Variants in GGA2 observed in about 807,000 individuals in gnomAD.
GGA2 encodes the protein ADP-ribosylation factor-binding protein GGA2.
A neutral mutation model predicts 79.5 loss-of-function variants in GGA2; 48 were observed. That is an observed-to-expected ratio of 0.60 (90% CI 0.48 to 0.77). GGA2 has a LOEUF of 0.77. Ranked by LOEUF, GGA2 falls within the 30% of genes least tolerant of loss-of-function variation. GGA2 has a pLI of 0.00. For missense variants in GGA2, 770 were observed against 774.0 expected (o/e 0.99, Z 0.06); for synonymous variants, 317 against 302.0 (o/e 1.05, Z -0.51).
chr16:23,486,814 T>C lies in GGA2; in HGVS notation c.580-24A>G, dbSNP rs367601426. 4.9e-6 allele frequency: 7 copies of C among 1,437,280 alleles called. No homozygotes were observed. In the East Asian group the frequency reaches 6.8e-5, roughly 14 times the overall value. The allele number at this position is 1,437,280 out of a possible 1,614,324, so 89.0% of individuals were successfully genotyped here. A position where few individuals can be genotyped will look rare whatever the true frequency, so the allele number is the denominator to read the frequency against. ...AGCTGCAGAGAGTGAACAGGAAGAG[T>C]AGGTGAGACCACAACTCCCTCAGGC... is the stretch of plus-strand genomic sequence containing the variant. On this transcript the variant is annotated intron_variant, in intron 6 of 16. Transcript: ENST00000309859.
At chr16:23,481,023 G>A (rs1964641250) in intron 9 of GGA2, among the ~76,000 whole-genome samples, 1 of 152,220 alleles carries the variant, frequency 6.6e-6, no homozygotes, top group Non-Finnish European at 1.5e-5. Context: ...CAGAGTAATG[G>A]CCAGCAGTAA....
At chr16:23,489,860 AGAGAAAAAACAGGG>A (rs1012735802) in intron 5 of GGA2, among the ~76,000 whole-genome samples, 9 of 152,156 alleles carry the variant, frequency 5.9e-5, no homozygotes, top group African/African-American at 1.2e-4. Flanking sequence ...CACTGCAGCT[AGAGAAAAAACAGGG>A]GAGAAAAAAC....
intron 5 of GGA2, among the ~76,000 whole-genome samples, chr16:23,490,002 G>C (rs1964763056): frequency 6.6e-6 from 1 of 152,204 alleles, no homozygotes; most frequent in Admixed American, 6.5e-5. Context: ...TGCAGTGCCT[G>C]CCTAAGAACC....
chr16:23,520,763 T>C (rs758538334), intron 1 of GGA2, among the ~76,000 whole-genome samples: 1 of 151,498 alleles, frequency 6.6e-6, no homozygotes, highest in Non-Finnish European at 1.5e-5. Flanking sequence ...CTTGAGGAAG[T>C]AGCAACAGCT....
rs578210980 is a variant in GGA2, at chr16:23,504,644, G to A, written c.91+5677C>T. Among the ~76,000 whole-genome samples the A allele has an allele frequency of 3.3e-5, 5 of 152,306 alleles. No individual in the cohort carries two copies. In the East Asian group the frequency reaches 7.7e-4, roughly 23 times the overall value. On this transcript the variant is annotated intron_variant, in intron 1 of 16. Transcript: ENST00000309859. ...TGGGTCTGACCAGGCCACAGCAACC[G>A]CCGTAGGTCTGTTTGACACCAATCT...
At chr16:23,503,718 C>T (rs138770670) in intron 1 of GGA2, among the ~76,000 whole-genome samples, 3 of 152,110 alleles carry the variant, frequency 2.0e-5, no homozygotes, top group Non-Finnish European at 1.5e-5. Flanking sequence ...AAAAGGAAAA[C>T]GGATTTTCCT....
rs182100228 is a variant in GGA2, at chr16:23,499,176, G to C, written c.92-3398C>G. ...TTTTTTTTTTTTGATATGGAGTCTC[G>C]CTCTGTCACCCGGGCTGGTGTGCAG... On this transcript the variant is annotated intron_variant, in intron 1 of 16. Coordinates refer to ENST00000309859, the MANE Select transcript of GGA2 (RefSeq NM_015044.4). Among the ~76,000 whole-genome samples the C allele has an allele frequency of 3.5e-3, 491 of 139,294 alleles. 2 individuals carry two copies. The highest frequency in any genetic ancestry group is 5.8e-3 in the Non-Finnish European group (385 of 66,024). 91.4% of individuals were successfully genotyped at this position (139,294 alleles called of 152,430 possible).
intron 5 of GGA2, among the ~76,000 whole-genome samples, chr16:23,490,554 G>A (rs1247106363): frequency 6.6e-6 from 1 of 152,002 alleles, no homozygotes; most frequent in Non-Finnish European, 1.5e-5. Flanking sequence ...GAGCAATGTG[G>A]TGAAACCCCA....
intron 14 of GGA2, among the ~76,000 whole-genome samples, chr16:23,474,589 C>T (rs1964553368): frequency 6.6e-6 from 1 of 151,972 alleles, no homozygotes; most frequent in South Asian, 2.1e-4. Flanking sequence ...AACTCCTGGC[C>T]TCAAGTGATC....
At chr16:23,501,105 C>G in intron 1 of GGA2, 2 of 387,052 alleles carry the variant, frequency 5.2e-6, no homozygotes, top group Admixed American at 6.6e-5. Flanking sequence ...AATACACCCA[C>G]TTTCACAAGA....
In GGA2 at chr16:23,499,145, C is replaced by CTT. The variant is rs34195789; in HGVS notation, c.92-3369_92-3368dup. On this transcript the variant is annotated intron_variant, in intron 1 of 16. Coordinates refer to ENST00000309859, the MANE Select transcript of GGA2 (RefSeq NM_015044.4). The stretch of plus-strand genomic sequence containing the variant: ...GAGACACAGCACTGACGGGCACCAC[C>CTT]TTTTTTTTTTTTTTTTTGATATGGA... Among the ~76,000 whole-genome samples the CTT allele has an allele frequency of 8.0e-3, 1,076 of 134,602 alleles. 19 individuals carry two copies. Among genetic ancestry groups the CTT allele is most frequent in the Middle Eastern group, 0.027 (7 of 256 alleles). The allele number at this position is 134,602 out of a possible 152,430, so 88.3% of individuals were successfully genotyped here.
intron 6 of GGA2, among the ~76,000 whole-genome samples, chr16:23,487,385 T>C (rs1455074916): frequency 6.6e-6 from 1 of 152,136 alleles, no homozygotes; most frequent in Non-Finnish European, 1.5e-5. Context: ...GAGGGGGTGC[T>C]ACTGGCAGCT....
chr16:23,505,775 G>A (rs1207242734), intron 1 of GGA2, among the ~76,000 whole-genome samples: 2 of 151,462 alleles, frequency 1.3e-5, no homozygotes, highest in African/African-American at 2.4e-5. Context: ...GCCAACAGGC[G>A]GAAGAACAAT....
At chr16:23,491,865 A>G in intron 4 of GGA2, 65 bp from the exon 5 acceptor site, 2 of 1,157,644 alleles carry the variant, frequency 1.7e-6, no homozygotes, top group Non-Finnish European at 2.6e-6. Context: ...CACTTTAACT[A>G]AAGAGGTAGC....
At position 23,474,948 on chromosome 16, in the gene GGA2, G is replaced by A. The variant is rs372255357; in HGVS notation, c.1406C>T (p.Thr469Ile). Residue 469 changes from threonine to isoleucine, a missense_variant, in exon 14 of 17, where the codon ACA becomes ATA. Transcript: ENST00000309859. ...AGGGACAAACACTTGAGCCAGAGGTGTATTCTGTGAAGATGGGGAAGGAGC... is the reference window on the plus strand; with the variant it reads ...AGGGACAAACACTTGAGCCAGAGGTATATTCTGTGAAGATGGGGAAGGAGC... ...PLAPSPSSQNTPLAQVFVPLE... is the reference protein window; with the variant it reads ...PLAPSPSSQNIPLAQVFVPLE... 2.3e-5 allele frequency: 37 copies of A among 1,612,998 alleles called. No homozygotes were observed. The African/African-American group carries it at 2.5e-4, about 11-fold the overall frequency.
chr16:23,524,332 G>C (rs1317649265), upstream of GGA2: 3 of 1,577,312 alleles, frequency 1.9e-6, no homozygotes, highest in Non-Finnish European at 2.6e-6. Context: ...AAGCTCACAG[G>C]TTCTTAGGGC....
intron 5 of GGA2, among the ~76,000 whole-genome samples, chr16:23,491,068 TGAGACA>T (rs929224533): frequency 5.3e-5 from 8 of 151,752 alleles, no homozygotes; most frequent in Admixed American, 2.0e-4. Context: ...AGACAGCAAG[TGAGACA>T]GAGACAGAGA....
intron 1 of GGA2, 141 bp downstream of exon 1, chr16:23,510,180 C>G (rs1039256716): frequency 4.8e-6 from 2 of 413,752 alleles, no homozygotes; most frequent in African/African-American, 4.2e-5. Context: ...GCGATCTTCC[C>G]CACCGCGCCG....
chr16:23,489,468 T>C (rs1178429468), intron 5 of GGA2, among the ~76,000 whole-genome samples: 1 of 152,144 alleles, frequency 6.6e-6, no homozygotes, highest in African/African-American at 2.4e-5. Context: ...CTCAAACTCC[T>C]GGCCTCAAGT....
Sources: allele counts gnomAD v4.1 joint callset (sites outside exome capture counted in the v4.1 genomes callset), GRCh38; gene constraint gnomAD v4.1.1; transcripts MANE v1.5; gene names NCBI Gene and HGNC (gene_info 2026-07-23, HGNC 2026-07-21).